The following OSBPL3 variants were observed in gnomAD, a reference collection of about 807,000 sequenced individuals.
OSBPL3 encodes oxysterol-binding protein-related protein 3.
In OSBPL3, 65 loss-of-function variants were observed where a neutral mutation model predicts 120.1. The ratio of observed to expected loss-of-function variants is 0.54; its 90% confidence interval spans 0.44 to 0.67. OSBPL3 has a LOEUF of 0.67. OSBPL3 is among the 30% of genes least tolerant of loss of function. The probability of loss-of-function intolerance (pLI) is 0.00; values close to 1 mark genes in which losing one functional copy is unlikely to be tolerated. For missense variants in OSBPL3, 1,004 were observed against 1,082.1 expected (o/e 0.93, Z 1.01); for synonymous variants, 416 against 402.6 (o/e 1.03, Z -0.40).
upstream of OSBPL3, among the ~76,000 whole-genome samples, chr7:24,981,247 T>C (rs1818312436): frequency 6.6e-6 from 1 of 152,164 alleles, no homozygotes; most frequent in Non-Finnish European, 1.5e-5. The surrounding 1 kb of genome is among the most constrained non-coding windows in gnomAD (Gnocchi z 7.3). Context: ...GATGGGGCGC[T>C]CACCCTGAGG....
chr7:24,953,855 C>G lies in OSBPL3; in HGVS notation c.-150+26031G>C, dbSNP rs946057642. Among the ~76,000 whole-genome samples the G allele has an allele frequency of 1.3e-5, 2 of 152,208 alleles. No individual in the cohort carries two copies. The highest frequency in any genetic ancestry group is 4.8e-5 in the African/African-American group (2 of 41,464). On this transcript the variant is annotated intron_variant, in intron 1 of 22. Transcript: ENST00000313367. The surrounding 1 kb of genome is among the most constrained non-coding windows in gnomAD (Gnocchi z 4.3). ...CAGGCAGCATGTATCCCAGGAATAG[C>G]TTTTGCTACAAAATGTGAGACAAAA... is the stretch of plus-strand genomic sequence containing the variant.
Position 24,929,159 on chromosome 7 carries a change from CTT to C in OSBPL3, c.-149-36540_-149-36539del, listed in dbSNP as rs531058404. ...CTAGCCAACATTTGCTATTGTCAGT[CTT>C]TTACATTTTAGTCATGCTGATGGGT... On this transcript the variant is annotated intron_variant, in intron 1 of 22. Coordinates refer to ENST00000313367, the MANE Select transcript of OSBPL3 (RefSeq NM_015550.4). Among the ~76,000 whole-genome samples the C allele has an allele frequency of 1.8e-3, 277 of 152,296 alleles. 1 individual carries two copies. The highest frequency in any genetic ancestry group is 3.4e-3 in the Middle Eastern group (1 of 294).
chr7:24,881,734 T>G lies in OSBPL3; in HGVS notation c.97-9665A>C, dbSNP rs1196416243. On this transcript the variant is annotated intron_variant, in intron 2 of 22. Coordinates refer to ENST00000313367, the MANE Select transcript of OSBPL3 (RefSeq NM_015550.4). This position sits in a 1 kb window ranked among gnomAD's most constrained non-coding sequence, Gnocchi z 4.3. ...TTTGGTGGCTTAAATAAACAGATATTTATTCTCTAGCCGTTCTGGAGGCCA... is the reference window on the plus strand; with the variant it reads ...TTTGGTGGCTTAAATAAACAGATATGTATTCTCTAGCCGTTCTGGAGGCCA... 6.6e-6 allele frequency among the ~76,000 whole-genome samples: 1 copy of G among 152,110 alleles called. No homozygotes were observed. The highest frequency in any genetic ancestry group is 2.4e-5 in the African/African-American group (1 of 41,412).
In OSBPL3 at chr7:24,817,791, A is replaced by T. The variant is rs1794652012; in HGVS notation, c.1949-1103T>A. 6.6e-6 allele frequency among the ~76,000 whole-genome samples: 1 copy of T among 152,248 alleles called. No homozygotes were observed. The highest frequency in any genetic ancestry group is 2.4e-5 in the African/African-American group (1 of 41,468). ...TGAGTGAGCCCAGAAATACTAAAGA[A>T]GAAGAAATAGGCACTAGGTCAACTA... On this transcript the variant is annotated intron_variant, in intron 17 of 22. Transcript: ENST00000313367. This position sits in a 1 kb window ranked among gnomAD's most constrained non-coding sequence, Gnocchi z 4.0.
intron 19 of OSBPL3, among the ~76,000 whole-genome samples, chr7:24,812,900 A>T (rs1267404485): frequency 6.6e-6 from 1 of 151,090 alleles, no homozygotes; most frequent in Non-Finnish European, 1.5e-5. Flanking sequence ...TTTTGATGAT[A>T]CAGGGTCTTA....
In OSBPL3 at chr7:24,849,143, A is replaced by C; in HGVS notation, c.1192T>G (p.Leu398Val). ...LAQNTDLKER[L>V]RRIHAESLLL... ...AGAGACTCGGCATGGATTCTGCGTA[A>C]GCGTTCTTTAAGATCTGTGTTTTGT... The change falls in exon 12 of 23, where the codon TTA becomes GTA. Residue 398 changes from leucine (L) to valine (V), a missense_variant. Coordinates refer to ENST00000313367, the MANE Select transcript of OSBPL3 (RefSeq NM_015550.4). The surrounding 1 kb of genome is among the most constrained non-coding windows in gnomAD (Gnocchi z 5.4). 8 of 1,614,012 alleles carry C rather than the reference A, an allele frequency of 5.0e-6. No individual in the cohort carries two copies. Among genetic ancestry groups the C allele is most frequent in the Non-Finnish European group, 5.9e-6 (7 of 1,179,904 alleles).
chr7:24,914,722 T>C lies in OSBPL3; in HGVS notation c.-149-22101A>G, dbSNP rs562186459. ...CAATTTTCTTTCCCATTTCCTCTAT[T>C]GTCTGGATAAAATGAAACAAAAGAT... On this transcript the variant is annotated intron_variant, in intron 1 of 22. Transcript: ENST00000313367. Among the ~76,000 whole-genome samples the C allele has an allele frequency of 4.9e-4, 75 of 152,272 alleles. 1 individual carries two copies. The highest frequency in any genetic ancestry group is 1.8e-3 in the African/African-American group (74 of 41,556).
At position 24,918,645 on chromosome 7, in the gene OSBPL3, G is replaced by A. The variant is rs766438522; in HGVS notation, c.-149-26024C>T. Among the ~76,000 whole-genome samples the A allele has an allele frequency of 4.6e-5, 7 of 152,180 alleles. No homozygotes were observed. The highest frequency in any genetic ancestry group is 1.3e-4 in the Admixed American group (2 of 15,282). On this transcript the variant is annotated intron_variant, in intron 1 of 22. Transcript: ENST00000313367. The surrounding 1 kb of genome is among the most constrained non-coding windows in gnomAD (Gnocchi z 4.3). ...AACATTTAGTACTCACTTAACAAAT[G>A]TTCACTAATCACTTACCATTGGTCA... is the stretch of plus-strand genomic sequence containing the variant.
At chr7:24,975,077 G>C (rs1227791565) in intron 1 of OSBPL3, among the ~76,000 whole-genome samples, 7 of 152,142 alleles carry the variant, frequency 4.6e-5, no homozygotes, top group Admixed American at 3.3e-4. Context: ...TTTCAAATCT[G>C]CTTTAAAATG....
At chr7:24,844,418 T>C (rs1798150045) in intron 12 of OSBPL3, among the ~76,000 whole-genome samples, 1 of 152,052 alleles carries the variant, frequency 6.6e-6, no homozygotes, top group African/African-American at 2.4e-5. Flanking sequence ...TTAGTGTTAG[T>C]GTATCTTATG....
chr7:24,946,179 C>A lies in OSBPL3; in HGVS notation c.-150+33707G>T, dbSNP rs921937539. Among the ~76,000 whole-genome samples, 3 of 152,082 alleles carry A rather than the reference C, an allele frequency of 2.0e-5. No individual in the cohort carries two copies. Among genetic ancestry groups the A allele is most frequent in the Non-Finnish European group, 4.4e-5 (3 of 68,038 alleles). On this transcript the variant is annotated intron_variant, in intron 1 of 22. Transcript: ENST00000313367. This position sits in a 1 kb window ranked among gnomAD's most constrained non-coding sequence, Gnocchi z 4.3. ...TCAGCTGGGGCTGCTGGCTGGGTCA[C>A]CTACACATGGTTTCTCCAGCATAGA...
At chr7:24,838,209 A>G (rs1041666739) in intron 14 of OSBPL3, among the ~76,000 whole-genome samples, 7 of 152,172 alleles carry the variant, frequency 4.6e-5, no homozygotes, top group African/African-American at 1.4e-4. Context: ...AAGAAAGGCA[A>G]TGTAGACCAG....
intron 5 of OSBPL3, among the ~76,000 whole-genome samples, chr7:24,866,800 C>T (rs1419609114): frequency 6.6e-6 from 1 of 151,910 alleles, no homozygotes; most frequent in Non-Finnish European, 1.5e-5. Context: ...TGAGTAAGTC[C>T]AACTGTTATT....
chr7:24,849,545 C>T lies in OSBPL3; in HGVS notation c.1159-369G>A, dbSNP rs1798884437. ...GTCTGGAGTCTCTTTGGCCAAATCCCTTCCTAAGGAATCCAGGCTTCTATC... is the reference window on the plus strand; with the variant it reads ...GTCTGGAGTCTCTTTGGCCAAATCCTTTCCTAAGGAATCCAGGCTTCTATC... On this transcript the variant is annotated intron_variant, in intron 11 of 22. Transcript: ENST00000313367. This position sits in a 1 kb window ranked among gnomAD's most constrained non-coding sequence, Gnocchi z 5.4. Among the ~76,000 whole-genome samples, 2 of 152,222 alleles carry T rather than the reference C, an allele frequency of 1.3e-5. No homozygotes were observed. The highest frequency in any genetic ancestry group is 1.3e-4 in the Admixed American group (2 of 15,278).
rs1330419886 is a variant in OSBPL3, at chr7:24,817,715, C to T, written c.1949-1027G>A. Among the ~76,000 whole-genome samples the T allele has an allele frequency of 6.6e-6, 1 of 152,040 alleles. No homozygotes were observed. The highest frequency in any genetic ancestry group is 2.4e-5 in the African/African-American group (1 of 41,380). On this transcript the variant is annotated intron_variant, in intron 17 of 22. Coordinates refer to ENST00000313367, the MANE Select transcript of OSBPL3 (RefSeq NM_015550.4). The surrounding 1 kb of genome is among the most constrained non-coding windows in gnomAD (Gnocchi z 4.0). ...AAGTTAAGAGGCTACTGCAATTGCC[C>T]AGGGGATAACAAACGGGATGAAGGG...
chr7:24,833,705 T>C lies in OSBPL3; in HGVS notation c.1746+781A>G, dbSNP rs1246888443. ...AATGACCTTACTGCTCTAAGGTCAC[T>C]GAATATAAGGAAGCAAAAAGCGGTA... On this transcript the variant is annotated intron_variant, in intron 15 of 22. Coordinates refer to ENST00000313367, the MANE Select transcript of OSBPL3 (RefSeq NM_015550.4). The surrounding 1 kb of genome is among the most constrained non-coding windows in gnomAD (Gnocchi z 4.4). 1.3e-5 allele frequency among the ~76,000 whole-genome samples: 2 copies of C among 152,066 alleles called. No individual in the cohort carries two copies. Among genetic ancestry groups the C allele is most frequent in the Admixed American group, 6.5e-5 (1 of 15,270 alleles).
At position 24,806,026 on chromosome 7, in the gene OSBPL3, G is replaced by A. The variant is rs1357631468; in HGVS notation, c.2444+750C>T. On this transcript the variant is annotated intron_variant, in intron 21 of 22. Transcript: ENST00000313367. The surrounding 1 kb of genome is among the most constrained non-coding windows in gnomAD (Gnocchi z 5.2). ...GGCTGGAGAGCAATGGCGTGGTCTC[G>A]GCTCACTGCAACCTCCTCCTCTTGG... 6.6e-6 allele frequency among the ~76,000 whole-genome samples: 1 copy of A among 152,122 alleles called. No individual in the cohort carries two copies. The highest frequency in any genetic ancestry group is 6.5e-5 in the Admixed American group (1 of 15,274).
In OSBPL3 at chr7:24,979,431, C is replaced by T. The variant is rs148908544; in HGVS notation, c.-150+455G>A. Among the ~76,000 whole-genome samples the T allele has an allele frequency of 5.4e-3, 816 of 152,214 alleles. 6 individuals are homozygous for T. The highest frequency in any genetic ancestry group is 9.1e-3 in the Non-Finnish European group (621 of 67,992). On this transcript the variant is annotated intron_variant, in intron 1 of 22. Transcript: ENST00000313367. Reference sequence around the variant, plus strand: ...GGAAGGCGGGCGAGCGGAGCGCCTGCCCCGCGAGCGTTGTCTCAGTCTCTC... The same window carrying T: ...GGAAGGCGGGCGAGCGGAGCGCCTGTCCCGCGAGCGTTGTCTCAGTCTCTC...
rs1169255893 is a variant in OSBPL3, at chr7:24,824,664, A to C, written c.1885-4426T>G. Among the ~76,000 whole-genome samples, 1 of 152,214 alleles carries C rather than the reference A, an allele frequency of 6.6e-6. No individual in the cohort carries two copies. The highest frequency in any genetic ancestry group is 1.5e-5 in the Non-Finnish European group (1 of 68,044). Reference sequence around the variant, plus strand: ...CACCGTCCTAGTCACCAAGGGTAAAAATTCTTACCCTGATGGAATTTATAT... The same window carrying C: ...CACCGTCCTAGTCACCAAGGGTAAACATTCTTACCCTGATGGAATTTATAT... On this transcript the variant is annotated intron_variant, in intron 16 of 22. Transcript: ENST00000313367. This position sits in a 1 kb window ranked among gnomAD's most constrained non-coding sequence, Gnocchi z 4.9.
Sources: allele counts gnomAD v4.1 joint callset (sites outside exome capture counted in the v4.1 genomes callset), GRCh38; gene constraint gnomAD v4.1.1; non-coding constraint Gnocchi (gnomAD v3.1); transcripts MANE v1.5; gene names NCBI Gene and HGNC (gene_info 2026-07-23, HGNC 2026-07-21).